Variants in USP9X observed in about 807,000 individuals in gnomAD.
The protein encoded by USP9X is ubiquitin carboxyl-terminal hydrolase 9X.
USP9X carries 7 observed loss-of-function variants against 190.3 expected under a neutral mutation model. That is an observed-to-expected ratio of 0.04 (90% confidence interval 0.02 to 0.07). USP9X has a LOEUF of 0.07. Ranked by LOEUF, USP9X falls within the 10% of genes least tolerant of loss-of-function variation. The pLI, the probability that USP9X is intolerant of heterozygous loss-of-function variation, is 1.00. For missense variants in USP9X, 1,010 were observed against 1,916.9 expected, an observed-to-expected ratio of 0.53 and a Z score of 8.83; for synonymous variants, 645 against 659.5, an observed-to-expected ratio of 0.98 and a Z score of 0.34.
intron 9 of USP9X, among the ~76,000 whole-genome samples, chrX:41,142,656 T>C (rs750826969): frequency 8.9e-6 from 1 of 111,863 alleles, no homozygotes; most frequent in Non-Finnish European, 1.9e-5. Flanking sequence ...TACTCCCTGT[T>C]TGTATCATGA....
rs754107896 is a variant in USP9X at position 41,104,593 on chromosome X, ATTATAT to A, written c.-159+18490_-159+18495del. On this transcript the variant is annotated intron_variant, in intron 1 of 44. Coordinates refer to ENST00000378308, the MANE Select transcript of USP9X (RefSeq NM_001039591.3). ...AATTTTCCTCTGGGCTGGTCTAGAG[ATTATAT>A]TTATAGGGACCCTCTGAAGATTCAA... is the stretch of plus-strand genomic sequence containing the variant. 8.1e-5 allele frequency among the ~76,000 whole-genome samples: 9 copies of A among 111,251 alleles called. No individual in the cohort carries two copies. In the East Asian group the frequency reaches 1.1e-3, roughly 14 times the overall value.
chrX:41,153,000 C>T lies in USP9X; in HGVS notation c.1816C>T (p.Leu606Phe). The change falls in exon 14 of 45, where the codon CTT (leucine) becomes TTT (phenylalanine). Residue 606 changes from leucine to phenylalanine, a missense_variant. This residue lies in a region of USP9X where 104 missense variants were observed against 239.8 expected (regional missense o/e 0.43). Transcript: ENST00000378308. The stretch of plus-strand genomic sequence containing the variant: ...TTATCGCCATGACTTAATCAATCAA[C>T]TTCAACACAATCATGCCCTAGTTAC... ...VFYRHDLINQ[L>F]QHNHALVTLV... 2 of 1,210,739 alleles carry T rather than the reference C, an allele frequency of 1.7e-6. No homozygotes were observed. Among genetic ancestry groups the T allele is most frequent in the Non-Finnish European group, 2.2e-6 (2 of 894,842 alleles).
At chrX:41,112,357 C>A (rs980759588) in intron 1 of USP9X, among the ~76,000 whole-genome samples, 1 of 112,046 alleles carries the variant, frequency 8.9e-6, no homozygotes, top group African/African-American at 3.2e-5. Context: ...CTGTAGAGAA[C>A]CTTCATGGTA....
intron 15 of USP9X, among the ~76,000 whole-genome samples, chrX:41,164,593 C>A (rs894761229): frequency 2.7e-5 from 3 of 112,042 alleles, no homozygotes; most frequent in South Asian, 7.5e-4. Flanking sequence ...GCAACTAACT[C>A]AAGGAAGAGG....
At chrX:41,155,545 G>C (rs1277900120) in intron 14 of USP9X, among the ~76,000 whole-genome samples, 2 of 111,416 alleles carry the variant, frequency 1.8e-5, no homozygotes, top group African/African-American at 3.3e-5. Flanking sequence ...TGTTTACTTA[G>C]GATGCTACCT....
intron 32 of USP9X, among the ~76,000 whole-genome samples, chrX:41,207,959 A>G (rs990799235): frequency 9.1e-6 from 1 of 109,449 alleles, no homozygotes; most frequent in Non-Finnish European, 1.9e-5. Flanking sequence ...TTCCAATTCC[A>G]TCTCTGCCTT....
intron 2 of USP9X, among the ~76,000 whole-genome samples, chrX:41,127,643 A>G (rs778048566): frequency 1.8e-5 from 2 of 112,055 alleles, no homozygotes; most frequent in East Asian, 5.6e-4. Context: ...GAGCACCTGC[A>G]CAGTTTTACT....
At chrX:41,193,884 GT>G (rs2062959419) in intron 26 of USP9X, among the ~76,000 whole-genome samples, 1 of 111,933 alleles carries the variant, frequency 8.9e-6, no homozygotes, top group South Asian at 3.7e-4. Flanking sequence ...ACAGAAATGT[GT>G]TTCTTTTGAA....
chrX:41,099,540 C>A (rs2062020926), intron 1 of USP9X, among the ~76,000 whole-genome samples: 1 of 111,218 alleles, frequency 9.0e-6, no homozygotes. Flanking sequence ...TATCTGGTGG[C>A]TTAAATTTGT....
intron 26 of USP9X, among the ~76,000 whole-genome samples, chrX:41,194,061 T>C (rs748682649): frequency 7.1e-5 from 8 of 112,046 alleles, no homozygotes; most frequent in African/African-American, 2.6e-4. Context: ...AGTTATGGGC[T>C]TGCTCCCAGA....
chrX:41,223,066 A>G, intron 38 of USP9X, 151 bp from the exon 39 acceptor site: 1 of 556,294 alleles, frequency 1.8e-6, no homozygotes, highest in Non-Finnish European at 2.8e-6. Flanking sequence ...AAGTGATAAA[A>G]TTACAAATCA....
chrX:41,211,931 C>T (rs2063165476), intron 33 of USP9X, among the ~76,000 whole-genome samples: 1 of 108,819 alleles, frequency 9.2e-6, no homozygotes, highest in Non-Finnish European at 1.9e-5. Context: ...AGGAGCCCCT[C>T]TGCCCGGCCA....
intron 1 of USP9X, among the ~76,000 whole-genome samples, chrX:41,099,560 T>C (rs1393381937): frequency 2.7e-5 from 3 of 112,108 alleles, no homozygotes; most frequent in Non-Finnish European, 5.6e-5. Context: ...TATTTGTGTC[T>C]AGTGTTTAGA....
In USP9X at chrX:41,205,111, G is replaced by A. The variant is rs766783191; in HGVS notation, c.4825-192G>A. ...TCTATCTTTCTTACACATGGTCAGG[G>A]TTATTTGGTTATGATAACTAATATG... On this transcript the variant is annotated intron_variant, in intron 31 of 44. Coordinates refer to ENST00000378308, the MANE Select transcript of USP9X (RefSeq NM_001039591.3). 390 of 370,123 alleles carry A rather than the reference G, an allele frequency of 1.1e-3. 1 individual carries two copies. Among genetic ancestry groups the A allele is most frequent in the Non-Finnish European group, 1.7e-3 (360 of 216,927 alleles). The allele number at this position is 370,123 out of a possible 1,213,427, so 30.5% of individuals were successfully genotyped here.
chrX:41,184,080 C>T lies in USP9X; in HGVS notation c.3231C>T (p.Asp1077=), dbSNP rs1602010353. The change falls in exon 22 of 45, where the codon GAC becomes GAT. Residue 1077 remains aspartate, a synonymous_variant. Coordinates refer to ENST00000378308, the MANE Select transcript of USP9X (RefSeq NM_001039591.3). ...LGESSLSPSL[D]SLFFGPSASQ... ...AAAGCAGCCTTAGTCCATCTCTTGA[C>T]TCACTTTTCTTTGGTCCTTCAGCCT... 8.3e-7 allele frequency: 1 copy of T among 1,210,672 alleles called. No individual in the cohort carries two copies. Among genetic ancestry groups the T allele is most frequent in the East Asian group, 3.0e-5 (1 of 33,790 alleles).
At position 41,215,988 on chromosome X, in the gene USP9X, A is replaced by G. The variant is rs1224995668; in HGVS notation, c.5421A>G (p.Glu1807=). ...GATTTGACTATGACTGGGAAAGAGA[A>G]TGTGCAATCAAGTTCAATGATTATT... ...LKRFDYDWER[E]CAIKFNDYFE... is the part of the protein sequence containing the mutation. Residue 1807 remains glutamate (E), a synonymous_variant, in exon 35 of 45, where the codon GAA becomes GAG. Transcript: ENST00000378308. 1.5e-5 allele frequency: 18 copies of G among 1,209,884 alleles called. No individual in the cohort carries two copies. The highest frequency in any genetic ancestry group is 1.8e-5 in the Non-Finnish European group (16 of 895,261).
In USP9X at chrX:41,201,294, A is replaced by G. The variant is rs758664310; in HGVS notation, c.4824+14A>G. 8.5e-7 allele frequency: 1 copy of G among 1,183,076 alleles called. No homozygotes were observed. The highest frequency in any genetic ancestry group is 1.7e-5 in the African/African-American group (1 of 57,342). ...CAGGACAATGAGGTAAATTTGAGTTACCATTTCTGTTTTCTGTGTTTCAAG... is the reference window on the plus strand; with the variant it reads ...CAGGACAATGAGGTAAATTTGAGTTGCCATTTCTGTTTTCTGTGTTTCAAG... On this transcript the variant is annotated intron_variant, in intron 31 of 44. Coordinates refer to ENST00000378308, the MANE Select transcript of USP9X (RefSeq NM_001039591.3).
chrX:41,102,071 GATA>G (rs1271434714), intron 1 of USP9X, among the ~76,000 whole-genome samples: 1 of 111,425 alleles, frequency 9.0e-6, no homozygotes, highest in Non-Finnish European at 1.9e-5. Context: ...CGATTTTGGT[GATA>G]ATTGTGCAAC....
In USP9X at chrX:41,189,456, C is replaced by A; in HGVS notation, c.3958C>A (p.Leu1320Ile). Residue 1320 changes from leucine (L) to isoleucine (I), a missense_variant, in exon 26 of 45, where the codon CTA becomes ATA. This residue lies in a region of USP9X where 351 missense variants were observed against 480.8 expected (regional missense o/e 0.73). Coordinates refer to ENST00000378308, the MANE Select transcript of USP9X (RefSeq NM_001039591.3). ...TTGGCAGACATTCATCATTGACTTACTATTGCACTGTCACAGCAAGTAAGT... is the reference window on the plus strand; with the variant it reads ...TTGGCAGACATTCATCATTGACTTAATATTGCACTGTCACAGCAAGTAAGT... ...KAWQTFIIDLLLHCHSKTVRQ... is the reference protein window; with the variant it reads ...KAWQTFIIDLILHCHSKTVRQ... 1 of 1,204,042 alleles carries A rather than the reference C, an allele frequency of 8.3e-7. No individual in the cohort carries two copies.
Sources: allele counts gnomAD v4.1 joint callset (sites outside exome capture counted in the v4.1 genomes callset), GRCh38; gene constraint gnomAD v4.1.1; regional missense constraint gnomAD v4.1.1; transcripts MANE v1.5; gene names NCBI Gene and HGNC (gene_info 2026-07-23, HGNC 2026-07-21).